The following LRRTM4 variants were observed in gnomAD, a reference collection of about 807,000 sequenced individuals.
LRRTM4 encodes the protein leucine rich repeat transmembrane neuronal 4, also known as leucine-rich repeat transmembrane neuronal protein 4.
LRRTM4 carries 25 observed loss-of-function variants against 47.6 expected under a neutral mutation model. The ratio of observed to expected loss-of-function variants is 0.53; its 90% CI spans 0.38 to 0.73. The LOEUF (loss-of-function observed/expected upper bound fraction) is 0.73, where lower values mean the gene tolerates loss of function less well. Among genes scored for constraint, LRRTM4 ranks in the 30% least tolerant of loss-of-function variants. The pLI, the probability that LRRTM4 is intolerant of heterozygous loss-of-function variation, is 0.00. For synonymous variants in LRRTM4, 311 were observed against 269.5 expected, an observed-to-expected ratio of 1.15 and a Z score of -1.51; for missense variants, 638 against 713.4, an observed-to-expected ratio of 0.89 and a Z score of 1.20.
At chr2:77,359,882 A>T (rs73941229) in intron 3 of LRRTM4, among the ~76,000 whole-genome samples, 1,782 of 152,336 alleles carry the variant, frequency 0.012, 36 homozygotes, top group African/African-American at 0.041. Flanking sequence ...TCAACAGGAT[A>T]AATTAACTTG....
chr2:76,975,904 T>C (rs1676404159), intron 3 of LRRTM4, among the ~76,000 whole-genome samples: 1 of 151,834 alleles, frequency 6.6e-6, no homozygotes, highest in Admixed American at 6.6e-5. Context: ...GAAGAGGTAC[T>C]TCCTGTTTCT....
chr2:77,207,370 T>TACAC (rs1462509982), intron 3 of LRRTM4, among the ~76,000 whole-genome samples: 1 of 122,582 alleles, frequency 8.2e-6, no homozygotes, highest in South Asian at 2.8e-4. Flanking sequence ...TATATATATA[T>TACAC]ATACACACAC....
intron 3 of LRRTM4, among the ~76,000 whole-genome samples, chr2:76,789,778 C>CAGAGAACAA (rs1484769989): frequency 1.3e-5 from 2 of 152,162 alleles, no homozygotes; most frequent in Non-Finnish European, 2.9e-5. Flanking sequence ...ATGGAAGTCA[C>CAGAGAACAA]AGAGAACAAA....
In LRRTM4 at chr2:77,165,301, T is replaced by C. The variant is rs369356889; in HGVS notation, c.1551+353017A>G. 6.6e-5 allele frequency among the ~76,000 whole-genome samples: 10 copies of C among 152,284 alleles called. No individual in the cohort carries two copies. In the East Asian group the frequency reaches 1.5e-3, roughly 24 times the overall value. On this transcript the variant is annotated intron_variant, in intron 3 of 3. Coordinates refer to ENST00000409884, the MANE Select transcript of LRRTM4 (RefSeq NM_001134745.3). ...CCCCGAATAGACCAATAACCGGCTC[T>C]GAAATTGAGGCAATAATTAATAGCT...
chr2:77,220,936 T>C (rs1474650572), intron 3 of LRRTM4, among the ~76,000 whole-genome samples: 1 of 151,824 alleles, frequency 6.6e-6, no homozygotes, highest in Non-Finnish European at 1.5e-5. Flanking sequence ...AAGGAAAAAA[T>C]GTTAAGGGCA....
At chr2:77,485,907 T>TTG (rs977280436) in intron 3 of LRRTM4, among the ~76,000 whole-genome samples, 2 of 151,660 alleles carry the variant, frequency 1.3e-5, no homozygotes, top group African/African-American at 4.9e-5. Flanking sequence ...ATTTTTTTTT[T>TTG]TTGTATTTTT....
At chr2:76,919,110 T>C (rs970075615) in intron 3 of LRRTM4, among the ~76,000 whole-genome samples, 1 of 152,194 alleles carries the variant, frequency 6.6e-6, no homozygotes, top group Non-Finnish European at 1.5e-5. Flanking sequence ...AGAATATGTA[T>C]GGCACACAAG....
chr2:76,965,425 A>G (rs184913778), intron 3 of LRRTM4, among the ~76,000 whole-genome samples: 1 of 151,336 alleles, frequency 6.6e-6, no homozygotes, highest in East Asian at 1.9e-4. Context: ...GTTATATGCC[A>G]TATCAACAGG....
intron 3 of LRRTM4, among the ~76,000 whole-genome samples, chr2:77,045,114 T>C (rs1003329090): frequency 6.6e-6 from 1 of 151,818 alleles, no homozygotes; most frequent in Non-Finnish European, 1.5e-5. Context: ...ACAAATGAAG[T>C]GAGAAATGTT....
chr2:76,972,405 T>C (rs1345279901), intron 3 of LRRTM4, among the ~76,000 whole-genome samples: 2 of 147,398 alleles, frequency 1.4e-5, no homozygotes, highest in African/African-American at 5.0e-5. Context: ...CATTTATTCA[T>C]TGAACACTTT....
chr2:77,453,460 G>T (rs190667855), intron 3 of LRRTM4, among the ~76,000 whole-genome samples: 1 of 152,048 alleles, frequency 6.6e-6, no homozygotes, highest in Non-Finnish European at 1.5e-5. Flanking sequence ...GATTACAGGC[G>T]TGAGCTACAG....
chr2:77,487,810 C>A (rs1281305543), intron 3 of LRRTM4, among the ~76,000 whole-genome samples: 1 of 152,174 alleles, frequency 6.6e-6, no homozygotes, highest in South Asian at 2.1e-4. Flanking sequence ...CACTTCCTCC[C>A]CTTTGAAGCC....
At position 77,003,473 on chromosome 2, in the gene LRRTM4, TAGTG is replaced by T. The variant is rs745362927; in HGVS notation, c.1552-254561_1552-254558del. 1.5e-4 allele frequency among the ~76,000 whole-genome samples: 23 copies of T among 152,244 alleles called. No homozygotes were observed. In the East Asian group the frequency reaches 1.5e-3, roughly 10 times the overall value. On this transcript the variant is annotated intron_variant, in intron 3 of 3. Coordinates refer to ENST00000409884, the MANE Select transcript of LRRTM4 (RefSeq NM_001134745.3). The stretch of plus-strand genomic sequence containing the variant: ...GTTTTTTCTCATGCCTTTCTTGTGA[TAGTG>T]AGTAAGTCTCAAGAGATCTGATGGT...
intron 3 of LRRTM4, among the ~76,000 whole-genome samples, chr2:77,420,229 T>A (rs528565352): frequency 6.6e-6 from 1 of 152,254 alleles, no homozygotes; most frequent in African/African-American, 2.4e-5. Context: ...ATAGGGCAGT[T>A]TATAACAGAA....
intron 3 of LRRTM4, among the ~76,000 whole-genome samples, chr2:77,049,903 T>C (rs923212211): frequency 2.0e-5 from 3 of 152,100 alleles, no homozygotes; most frequent in African/African-American, 7.2e-5. Flanking sequence ...TCTCTGTATA[T>C]ATTTTGCTTC....
chr2:77,451,712 T>C (rs1676261735), intron 3 of LRRTM4, among the ~76,000 whole-genome samples: 1 of 152,090 alleles, frequency 6.6e-6, no homozygotes, highest in Admixed American at 6.6e-5. Context: ...ACTAATCAAA[T>C]AAATAAATAA....
chr2:76,773,807 T>C, intron 3 of LRRTM4, among the ~76,000 whole-genome samples: 1 of 129,690 alleles, frequency 7.7e-6, no homozygotes, highest in Non-Finnish European at 1.8e-5. Context: ...GTTTTTGGCA[T>C]TTTTTTTTTT....
At chr2:77,493,732 C>T (rs567175540) in intron 3 of LRRTM4, among the ~76,000 whole-genome samples, 68 of 152,066 alleles carry the variant, frequency 4.5e-4, no homozygotes, top group African/African-American at 1.5e-3. Context: ...ATGACATCAA[C>T]GAAATATCCA....
At chr2:77,137,212 G>C (rs192114268) in intron 3 of LRRTM4, among the ~76,000 whole-genome samples, 1 of 151,964 alleles carries the variant, frequency 6.6e-6, no homozygotes, top group East Asian at 1.9e-4. Flanking sequence ...AAAATGTTAA[G>C]GGCAGCCAGA....
Sources: gnomAD v4.1 joint callset for allele counts (sites outside exome capture counted in the v4.1 genomes callset) on GRCh38, gnomAD v4.1.1 for gene constraint, MANE v1.5 for transcripts, NCBI Gene and HGNC (gene_info 2026-07-23, HGNC 2026-07-21) for gene names.